BRCA1: variants seen among roughly 807,000 people sequenced by gnomAD.
The protein encoded by BRCA1 is breast cancer type 1 susceptibility protein.
BRCA1 carries 140 observed loss-of-function variants against 173.7 expected under a neutral mutation model. The ratio of observed to expected loss-of-function variants is 0.81; its 90% CI spans 0.70 to 0.93. BRCA1 has a LOEUF of 0.93. Among genes scored for constraint, BRCA1 ranks in the 40% least tolerant of loss-of-function variants. The pLI is 0.00. For missense variants in BRCA1, 1,983 were observed against 2,172.5 expected (o/e 0.91, Z 1.73); for synonymous variants, 662 against 756.0 (o/e 0.88, Z 2.04).
At chr17:43,164,020 G>A (rs1325190578) in intron 1 of BRCA1, 4 of 152,234 alleles carry the variant, frequency 2.6e-5, no homozygotes, top group East Asian at 1.9e-4. Flanking sequence ...TTAGTGGAAA[G>A]GGGACAATCT....
chr17:43,053,735 C>T (rs1028440402), intron 19 of BRCA1, among the ~76,000 whole-genome samples: 2 of 151,824 alleles, frequency 1.3e-5, no homozygotes, highest in Admixed American at 6.6e-5. Flanking sequence ...TTTGGGAGGC[C>T]GAGGTGGGTG....
chr17:43,068,466 T>C (rs1336937828), intron 15 of BRCA1, among the ~76,000 whole-genome samples: 5 of 151,558 alleles, frequency 3.3e-5, no homozygotes, highest in Admixed American at 6.6e-5. Flanking sequence ...ATCCCAGCAC[T>C]TTGGGAAGCT....
In BRCA1 at chr17:43,092,768, CT is replaced by C. The variant is rs80357703; in HGVS notation, c.2762del (p.Gln921ArgfsTer79). 6.2e-7 allele frequency: 1 copy of C among 1,614,052 alleles called. No homozygotes were observed. The highest frequency in any genetic ancestry group is 8.5e-7 in the Non-Finnish European group (1 of 1,179,982). On this transcript the variant is annotated frameshift_variant, in exon 10 of 23. Coordinates refer to ENST00000357654, the MANE Select transcript of BRCA1 (RefSeq NM_007294.4). LOFTEE classifies it high-confidence loss of function. Reference protein sequence around the residue: ...GKNESNIKPVQTVNITAGFPV... With the variant: ...GKNESNIKPVXTVNITAGFPV... ...GAAAGCCTGCAGTGATATTAACTGT[CT>C]GTACAGGCTTGATATTAGACTCATT... is the stretch of plus-strand genomic sequence containing the variant.
rs778668665 is a variant in BRCA1, at chr17:43,104,266, A to G, written c.302-5T>C. ...CAAAATTATAGCTGTTTGCATCTGT[A>G]AAATACAAGGGAAAACATTATGTTT... On this transcript the variant is annotated splice_polypyrimidine_tract_variant and splice_region_variant and intron_variant, in intron 5 of 22. Coordinates refer to ENST00000357654, the MANE Select transcript of BRCA1 (RefSeq NM_007294.4). 2 of 1,608,662 alleles carry G rather than the reference A, an allele frequency of 1.2e-6. No individual in the cohort carries two copies. Among genetic ancestry groups the G allele is most frequent in the Middle Eastern group, 1.6e-4 (1 of 6,066 alleles).
chr17:43,136,440 CTAAT>C, intron 1 of BRCA1, among the ~76,000 whole-genome samples: 1 of 152,160 alleles, frequency 6.6e-6, no homozygotes, highest in Non-Finnish European at 1.5e-5. Flanking sequence ...CAAATGGAAT[CTAAT>C]TAAACTAAAG....
chr17:43,070,973 G>T lies in BRCA1; in HGVS notation c.4941C>A (p.Asn1647Lys), dbSNP rs80357302. Residue 1647 changes from asparagine to lysine, a missense_variant, in exon 15 of 23, where the codon AAC becomes AAA. Transcript: ENST00000357654. ...CAGACACCACCATGGACATTCTTTT[G>T]TTGACCCTTTCTGTTGAAGCTGTCA... Reference protein sequence around the residue: ...PELTASTERVNKRMSMVVSGL... With the variant: ...PELTASTERVKKRMSMVVSGL... The T allele has an allele frequency of 1.2e-6, 2 of 1,614,200 alleles. No homozygotes were observed. The highest frequency in any genetic ancestry group is 1.6e-4 in the Middle Eastern group (1 of 6,062).
chr17:43,097,983 A>AGAAAATC (rs1297829601), intron 7 of BRCA1, among the ~76,000 whole-genome samples: 3 of 151,996 alleles, frequency 2.0e-5, no homozygotes, highest in Non-Finnish European at 4.4e-5. Flanking sequence ...ATATTCTAAA[A>AGAAAATC]GAAAATCCAA....
At chr17:43,085,518 T>C (rs931682892) in intron 11 of BRCA1, among the ~76,000 whole-genome samples, 1 of 152,194 alleles carries the variant, frequency 6.6e-6, no homozygotes, top group African/African-American at 2.4e-5. Flanking sequence ...CTCTCATTTC[T>C]CCCAACACCC....
At chr17:43,115,677 G>A (rs777903680) in intron 3 of BRCA1, 49 bp downstream of exon 3, 1 of 1,572,850 alleles carries the variant, frequency 6.4e-7, no homozygotes, top group Non-Finnish European at 8.7e-7. Flanking sequence ...GGTTATGAAG[G>A]ACAAAAACAA....
chr17:43,168,247 T>C (rs545198552), intron 1 of BRCA1: 1 of 419,400 alleles, frequency 2.4e-6, no homozygotes, highest in Non-Finnish European at 4.8e-6. Context: ...CAGATAAATC[T>C]ATCTCTTTCT....
At chr17:43,155,620 C>T (rs533758614) in intron 1 of BRCA1, among the ~76,000 whole-genome samples, 1 of 152,102 alleles carries the variant, frequency 6.6e-6, no homozygotes, top group Non-Finnish European at 1.5e-5. Context: ...GCAACCTCTG[C>T]CTCTCGGATT....
Position 43,045,307 on chromosome 17 carries a change from C to G in BRCA1, c.*371G>C, listed in dbSNP as rs1233536446. On this transcript the variant is annotated 3_prime_UTR_variant, in exon 23 of 23. Transcript: ENST00000357654. ...AGTAAACTTAGGGAAACCAGCTATT[C>G]TCTTGAGGCCAAGCCACTCTGTGCT... 3.6e-6 allele frequency: 2 copies of G among 557,548 alleles called. No homozygotes were observed. Among genetic ancestry groups the G allele is most frequent in the Non-Finnish European group, 6.8e-6 (2 of 292,558 alleles). 34.5% of individuals were successfully genotyped at this position (557,548 alleles called of 1,614,324 possible).
chr17:43,154,145 A>G (rs1410437884), intron 1 of BRCA1, among the ~76,000 whole-genome samples: 1 of 151,984 alleles, frequency 6.6e-6, no homozygotes, highest in Non-Finnish European at 1.5e-5. Context: ...CCAAGATCAC[A>G]CCACTGCACT....
chr17:43,110,130 G>A (rs551404275), intron 3 of BRCA1, among the ~76,000 whole-genome samples: 3 of 152,048 alleles, frequency 2.0e-5, no homozygotes, highest in South Asian at 2.1e-4. Flanking sequence ...TCCTGACCTC[G>A]TGATGTGCCC....
intron 6 of BRCA1, among the ~76,000 whole-genome samples, chr17:43,101,505 C>T (rs2054473397): frequency 3.3e-5 from 5 of 150,934 alleles, no homozygotes; most frequent in African/African-American, 1.2e-4. Flanking sequence ...AGAACAATTA[C>T]TTTTTTTTCT....
At chr17:43,148,463 G>C (rs899631588) in intron 1 of BRCA1, 1 of 152,258 alleles carries the variant, frequency 6.6e-6, no homozygotes, top group Non-Finnish European at 1.5e-5. Context: ...AAAAATTACA[G>C]TTAACGTGCG....
At chr17:43,102,007 A>G (rs557149560) in intron 6 of BRCA1, among the ~76,000 whole-genome samples, 1 of 152,072 alleles carries the variant, frequency 6.6e-6, no homozygotes, top group Admixed American at 6.5e-5. Context: ...TGTTAAAGCA[A>G]TGCTCCAGCC....
intron 19 of BRCA1, among the ~76,000 whole-genome samples, chr17:43,052,554 G>A (rs1186265404): frequency 1.3e-5 from 2 of 152,088 alleles, no homozygotes; most frequent in African/African-American, 4.8e-5. Flanking sequence ...AATAACTTGG[G>A]TATCACTTAA....
chr17:43,093,479 T>G lies in BRCA1; in HGVS notation c.2052A>C (p.Pro684=). 6.2e-7 allele frequency: 1 copy of G among 1,614,148 alleles called. No homozygotes were observed. The highest frequency in any genetic ancestry group is 8.5e-7 in the Non-Finnish European group (1 of 1,180,016). ...CATGTCTTTTACTTGTCTGTTCATT[T>G]GGCTTGTTACTCTTCTTGGCTCCAG... The part of the protein sequence containing the change: ...PATGAKKSNK[P]NEQTSKRHDS... The change falls in exon 10 of 23, where the codon CCA becomes CCC. Residue 684 remains proline (P), a synonymous_variant. Transcript: ENST00000357654.
Sources: gnomAD v4.1 joint callset for allele counts (sites outside exome capture counted in the v4.1 genomes callset) on GRCh38, gnomAD v4.1.1 for gene constraint, MANE v1.5 for transcripts, NCBI Gene and HGNC (gene_info 2026-07-23, HGNC 2026-07-21) for gene names.